Variants in STARD13 observed in about 807,000 individuals in gnomAD.
The protein encoded by STARD13 is stAR-related lipid transfer protein 13.
In STARD13, 62 loss-of-function variants were observed where a neutral mutation model predicts 106.4. The observed-to-expected ratio is 0.58, with a 90% CI of 0.48 to 0.72. The LOEUF (loss-of-function observed/expected upper bound fraction) is 0.72. STARD13 is among the 30% of genes least tolerant of loss of function. STARD13 has a pLI of 0.00. For missense variants in STARD13, 1,387 were observed against 1,424.0 expected (o/e 0.97, Z 0.42); for synonymous variants, 565 against 553.0 (o/e 1.02, Z -0.31).
chr13:33,652,892 A>T, the STARD13 span, among the ~76,000 whole-genome samples: 25 of 152,210 alleles, frequency 1.6e-4, no homozygotes, highest in Middle Eastern at 6.8e-3. Context: ...CTAATTTTTG[A>T]TACATTAAAA....
At chr13:33,429,918 C>CT in the STARD13 span, among the ~76,000 whole-genome samples, 592 of 133,226 alleles carry the variant, frequency 4.4e-3, 15 homozygotes, top group African/African-American at 0.019. Flanking sequence ...CTTAATTGTA[C>CT]TTTTTTTTTG....
chr13:33,341,716 A>T (rs977383532), intron 1 of STARD13, among the ~76,000 whole-genome samples: 2 of 151,950 alleles, frequency 1.3e-5, no homozygotes, highest in Non-Finnish European at 2.9e-5. Context: ...TTCAAGGAGG[A>T]CGCTGTATTG....
intron 1 of STARD13, among the ~76,000 whole-genome samples, chr13:33,174,870 T>C (rs1391203965): frequency 6.6e-6 from 1 of 152,214 alleles, no homozygotes; most frequent in East Asian, 1.9e-4. Context: ...CTTCTCTGCC[T>C]AGAGTGCATG....
chr13:33,606,849 A>T, the STARD13 span, among the ~76,000 whole-genome samples: 3 of 152,150 alleles, frequency 2.0e-5, no homozygotes, highest in African/African-American at 7.2e-5. Flanking sequence ...TAACCTTTCA[A>T]GCTTCTCGAG....
At chr13:33,148,893 T>A (rs1157379283) in intron 3 of STARD13, among the ~76,000 whole-genome samples, 3 of 152,196 alleles carry the variant, frequency 2.0e-5, no homozygotes, top group Non-Finnish European at 4.4e-5. Flanking sequence ...AGAGGTGAGC[T>A]ATCAAGCCAT....
At chr13:33,432,654 A>G in the STARD13 span, among the ~76,000 whole-genome samples, 2 of 152,228 alleles carry the variant, frequency 1.3e-5, no homozygotes, top group Admixed American at 6.5e-5. Context: ...AATGAAGATA[A>G]TGGGGTATGA....
the STARD13 span, among the ~76,000 whole-genome samples, chr13:33,483,024 G>T: frequency 6.6e-6 from 1 of 152,156 alleles, no homozygotes; most frequent in African/African-American, 2.4e-5. Flanking sequence ...TTACAGTCTG[G>T]ATTTGAATTC....
chr13:33,502,285 C>T, the STARD13 span, among the ~76,000 whole-genome samples: 1 of 152,136 alleles, frequency 6.6e-6, no homozygotes, highest in Non-Finnish European at 1.5e-5. Flanking sequence ...AGATTTTGGG[C>T]TGAGACGATG....
the STARD13 span, among the ~76,000 whole-genome samples, chr13:33,628,599 C>T: frequency 6.6e-6 from 1 of 152,190 alleles, no homozygotes. Flanking sequence ...AATCAAATCT[C>T]TTTGAAGGAC....
At chr13:33,147,510 T>C (rs1342316203) in intron 3 of STARD13, among the ~76,000 whole-genome samples, 1 of 152,220 alleles carries the variant, frequency 6.6e-6, no homozygotes, top group African/African-American at 2.4e-5. Flanking sequence ...TGCTGATTAC[T>C]AAATTAACTG....
At chr13:33,314,751 T>C (rs558266690) in intron 1 of STARD13, among the ~76,000 whole-genome samples, 42 of 152,320 alleles carry the variant, frequency 2.8e-4, no homozygotes, top group Middle Eastern at 3.4e-3. Flanking sequence ...TTCAAACCCA[T>C]GTCTGTTAGA....
chr13:33,311,663 G>T (rs1486861248), intron 1 of STARD13, among the ~76,000 whole-genome samples: 3 of 152,214 alleles, frequency 2.0e-5, no homozygotes, highest in African/African-American at 7.2e-5. Context: ...GTAGTCTGAA[G>T]TTATCCATCT....
At chr13:33,485,519 G>A in the STARD13 span, among the ~76,000 whole-genome samples, 1 of 152,070 alleles carries the variant, frequency 6.6e-6, no homozygotes, top group Non-Finnish European at 1.5e-5. Flanking sequence ...AGATTATAAA[G>A]TAATTTCCAG....
the STARD13 span, among the ~76,000 whole-genome samples, chr13:33,576,719 A>G: frequency 9.2e-5 from 14 of 152,328 alleles, no homozygotes; most frequent in East Asian, 2.7e-3. Flanking sequence ...TTCACCAAAG[A>G]TAGGTGGGAT....
the STARD13 span, among the ~76,000 whole-genome samples, chr13:33,462,786 T>C: frequency 2.6e-5 from 4 of 152,200 alleles, no homozygotes; most frequent in Admixed American, 6.5e-5. Flanking sequence ...TGGCAGCTGA[T>C]TGGATGGTGC....
chr13:33,610,287 G>A, the STARD13 span, among the ~76,000 whole-genome samples: 1 of 152,124 alleles, frequency 6.6e-6, no homozygotes. Context: ...GGGCCTTACT[G>A]TATCTTCAAA....
In STARD13 at chr13:33,110,666, T is replaced by A. The variant is rs1874402006; in HGVS notation, c.2829+20A>T. On this transcript the variant is annotated intron_variant, in intron 11 of 13. Coordinates refer to ENST00000336934, the MANE Select transcript of STARD13 (RefSeq NM_178006.4). Reference sequence around the variant, plus strand: ...GCTGTGGCTTTCTGGGGGTGATCTTTTTCCATCCTCTGAGATTACCTTTTT... The same window carrying A: ...GCTGTGGCTTTCTGGGGGTGATCTTATTCCATCCTCTGAGATTACCTTTTT... The A allele has an allele frequency of 6.2e-7, 1 of 1,604,304 alleles. No individual in the cohort carries two copies. Among genetic ancestry groups the A allele is most frequent in the Admixed American group, 1.7e-5 (1 of 59,960 alleles).
At chr13:33,499,361 G>C in the STARD13 span, among the ~76,000 whole-genome samples, 2 of 152,138 alleles carry the variant, frequency 1.3e-5, no homozygotes, top group African/African-American at 4.8e-5. Flanking sequence ...TAGTTTCAGA[G>C]GCTAGAAGTC....
At chr13:33,154,606 C>T (rs768553390) in intron 3 of STARD13, among the ~76,000 whole-genome samples, 4 of 151,086 alleles carry the variant, frequency 2.6e-5, no homozygotes, top group African/African-American at 4.9e-5. Context: ...CAAAGTGGCC[C>T]GGGGGAAAGA....
Sources: gnomAD v4.1 joint callset for allele counts (sites outside exome capture counted in the v4.1 genomes callset) on GRCh38, gnomAD v4.1.1 for gene constraint, MANE v1.5 for transcripts, NCBI Gene and HGNC (gene_info 2026-07-23, HGNC 2026-07-21) for gene names.